Variants in DCC observed in about 807,000 individuals in gnomAD.
DCC encodes the protein DCC netrin 1 receptor, also known as netrin receptor DCC.
A neutral mutation model predicts 172.5 loss-of-function variants in DCC; 58 were observed. That is an observed-to-expected ratio of 0.34 (90% confidence interval 0.27 to 0.42). The LOEUF is 0.42. DCC is among the 10% of genes least tolerant of loss of function. The pLI is 1.00. For missense variants in DCC, 1,740 were observed against 1,791.0 expected (o/e 0.97, Z 0.51); for synonymous variants, 709 against 644.5 (o/e 1.10, Z -1.52).
At position 52,457,363 on chromosome 18, in the gene DCC, G is replaced by A. The variant is rs181931472; in HGVS notation, c.91+116485G>A. Among the ~76,000 whole-genome samples the A allele has an allele frequency of 3.9e-3, 596 of 152,166 alleles. 5 individuals are homozygous for A. The highest frequency in any genetic ancestry group is 0.024 in the Middle Eastern group (7 of 294). ...ATTCAGTATTATTTGAGGTAGGAGT[G>A]CACAGAAAATATCTTTATGCCACAC... On this transcript the variant is annotated intron_variant, in intron 1 of 28. Transcript: ENST00000442544.
intron 5 of DCC, among the ~76,000 whole-genome samples, chr18:52,994,025 C>T (rs557244843): frequency 6.6e-6 from 1 of 152,212 alleles, no homozygotes; most frequent in Non-Finnish European, 1.5e-5. Flanking sequence ...ACTGACAAAA[C>T]TATCCAGCTC....
chr18:52,888,621 A>G (rs1052988436), intron 2 of DCC, among the ~76,000 whole-genome samples: 1 of 152,050 alleles, frequency 6.6e-6, no homozygotes, highest in East Asian at 1.9e-4. Flanking sequence ...AAATACATAC[A>G]TATATATAAA....
At chr18:53,299,792 T>C (rs2057111400) in intron 12 of DCC, among the ~76,000 whole-genome samples, 1 of 152,294 alleles carries the variant, frequency 6.6e-6, no homozygotes, top group South Asian at 2.1e-4. Context: ...TCCTTTTGAC[T>C]CATGTTATCT....
At chr18:53,001,298 C>T (rs1026946374) in intron 5 of DCC, among the ~76,000 whole-genome samples, 1 of 152,178 alleles carries the variant, frequency 6.6e-6, no homozygotes, top group Non-Finnish European at 1.5e-5. Context: ...TCTAAAAGTG[C>T]TTTATGTCTA....
chr18:52,463,620 A>C (rs112684145), intron 1 of DCC, among the ~76,000 whole-genome samples: 67 of 152,318 alleles, frequency 4.4e-4, no homozygotes, highest in African/African-American at 1.5e-3. Context: ...CTGGTCATTC[A>C]AACTCAGAGC....
intron 1 of DCC, among the ~76,000 whole-genome samples, chr18:52,411,738 G>A (rs747791990): frequency 2.4e-4 from 36 of 152,024 alleles, no homozygotes; most frequent in Admixed American, 5.2e-4. Flanking sequence ...AATTTTCTGG[G>A]CACAAATGTC....
chr18:52,506,096 A>G (rs2031220651), intron 1 of DCC, among the ~76,000 whole-genome samples: 1 of 151,926 alleles, frequency 6.6e-6, no homozygotes, highest in East Asian at 1.9e-4. Context: ...CCAAATTCCC[A>G]TAGGAAAAGT....
At chr18:53,278,910 C>A (rs1175166216) in intron 12 of DCC, among the ~76,000 whole-genome samples, 2 of 152,116 alleles carry the variant, frequency 1.3e-5, no homozygotes, top group Admixed American at 1.3e-4. Flanking sequence ...GACTTATAAT[C>A]CTTTGGGTAT....
intron 24 of DCC, among the ~76,000 whole-genome samples, chr18:53,466,295 G>T (rs2045620281): frequency 6.6e-6 from 1 of 152,044 alleles, no homozygotes; most frequent in Non-Finnish European, 1.5e-5. Context: ...TACCATTAGG[G>T]TGCACTTCTT....
At chr18:53,435,270 G>C in intron 22 of DCC, 61 bp downstream of exon 22, 1 of 1,145,876 alleles carries the variant, frequency 8.7e-7, no homozygotes, top group Middle Eastern at 2.7e-4. Flanking sequence ...TAATTCAAGA[G>C]TGTCTGGGGC....
chr18:53,480,359 T>G (rs1049591974), intron 25 of DCC, among the ~76,000 whole-genome samples: 1 of 152,164 alleles, frequency 6.6e-6, no homozygotes, highest in Non-Finnish European at 1.5e-5. Context: ...TTGGGCCAGA[T>G]AGACTTCAAT....
chr18:52,451,690 ATG>A (rs3086357), intron 1 of DCC, among the ~76,000 whole-genome samples: 26 of 149,556 alleles, frequency 1.7e-4, no homozygotes, highest in Non-Finnish European at 2.1e-4. Context: ...GTGTGTATGT[ATG>A]TGTGTGTGTG....
chr18:52,884,287 T>G (rs995882562), intron 2 of DCC, among the ~76,000 whole-genome samples: 2 of 152,162 alleles, frequency 1.3e-5, no homozygotes, highest in Non-Finnish European at 2.9e-5. Context: ...ATAAACTTTC[T>G]GTTCCTATCT....
In DCC at chr18:53,198,870, G is replaced by A. The variant is rs553074828; in HGVS notation, c.1574-6346G>A. On this transcript the variant is annotated intron_variant, in intron 9 of 28. Transcript: ENST00000442544. ...AGAAATAGGTAACTTGAATGGAGAT[G>A]GGGAGAAATTAGAAGCAGTTTGCCA... Among the ~76,000 whole-genome samples the A allele has an allele frequency of 6.6e-5, 10 of 152,204 alleles. No homozygotes were observed. The East Asian group carries it at 1.9e-3, about 29-fold the overall frequency.
intron 2 of DCC, among the ~76,000 whole-genome samples, chr18:52,866,334 C>T (rs1204786261): frequency 2.6e-5 from 4 of 152,118 alleles, no homozygotes; most frequent in African/African-American, 9.7e-5. Flanking sequence ...ATGATGTCTC[C>T]AGCTTTGTTC....
intron 14 of DCC, among the ~76,000 whole-genome samples, 193 bp from the exon 15 acceptor site, chr18:53,339,520 G>T (rs1285574782): frequency 1.3e-5 from 2 of 152,164 alleles, no homozygotes; most frequent in African/African-American, 4.8e-5. Context: ...ATTCTTGTAT[G>T]CTTAAGAAAT....
chr18:52,545,478 A>G (rs1416831376), intron 1 of DCC, among the ~76,000 whole-genome samples: 3 of 152,192 alleles, frequency 2.0e-5, no homozygotes, highest in Non-Finnish European at 2.9e-5. Flanking sequence ...AGCTCTCTCA[A>G]TGGTGGCTTC....
At chr18:52,969,094 G>C (rs1259766313) in intron 5 of DCC, among the ~76,000 whole-genome samples, 1 of 151,908 alleles carries the variant, frequency 6.6e-6, no homozygotes. Flanking sequence ...GTTCTCTAGG[G>C]CTCTGCTCTT....
rs1340709898 is a variant in DCC, at chr18:53,450,650, C to T, written c.3380C>T (p.Ala1127Val). 6.2e-7 allele frequency: 1 copy of T among 1,613,284 alleles called. No individual in the cohort carries two copies. Residue 1127 changes from alanine (A) to valine (V), a missense_variant, in exon 23 of 29, where the codon GCC becomes GTC. Ala to Val is a moderately conservative substitution (Grantham distance 64, BLOSUM62 0). Coordinates refer to ENST00000442544, the MANE Select transcript of DCC (RefSeq NM_005215.4). ...GTGATTTGCACCCGACGCTCTTCAGCCCAGCAGAGAAAGTAGGTAACAGCT... is the reference window on the plus strand; with the variant it reads ...GTGATTTGCACCCGACGCTCTTCAGTCCAGCAGAGAAAGTAGGTAACAGCT... The part of the protein sequence containing the change: ...VAVICTRRSS[A>V]QQRKKRATHS...
Sources: allele counts gnomAD v4.1 joint callset (sites outside exome capture counted in the v4.1 genomes callset), GRCh38; gene constraint gnomAD v4.1.1; transcripts MANE v1.5; gene names NCBI Gene and HGNC (gene_info 2026-07-23, HGNC 2026-07-21).